The following PADI1 variants were observed in gnomAD, a reference collection of about 807,000 sequenced individuals.
PADI1 encodes the protein peptidyl arginine deiminase 1, also known as protein-arginine deiminase type-1.
A neutral mutation model predicts 74.8 loss-of-function variants in PADI1; 65 were observed. The ratio of observed to expected loss-of-function variants is 0.87; its 90% CI spans 0.71 to 1.07. The LOEUF is 1.07. PADI1 is among the 50% of genes least tolerant of loss of function. The pLI, the probability that PADI1 is intolerant of heterozygous loss-of-function variation, is 0.00. For missense variants in PADI1, 943 were observed against 854.0 expected (o/e 1.10, Z -1.30); for synonymous variants, 371 against 336.2 (o/e 1.10, Z -1.13).
At chr1:17,235,277 A>AGGAAGGAAGGAAGGAAGGAAGGAAGGAG (rs1163117716) in intron 11 of PADI1, among the ~76,000 whole-genome samples, 1 of 100,186 alleles carries the variant, frequency 1.0e-5, no homozygotes, top group Non-Finnish European at 2.0e-5. Flanking sequence ...GAAGGAAGGA[A>AGGAAGGAAGGAAGGAAGGAAGGAAGGAG]GGAAGGAAGG....
chr1:17,211,218 GT>G lies in PADI1; in HGVS notation c.92+5918del, dbSNP rs58282320. ...GCCCTGGTTTTTTGTTTTTGTTTTT[GT>G]TTTTTTTTGAGACGGAGTCTTGCTC... On this transcript the variant is annotated intron_variant, in intron 1 of 15. Coordinates refer to ENST00000375471, the MANE Select transcript of PADI1 (RefSeq NM_013358.3). Among the ~76,000 whole-genome samples, 1,475 of 151,058 alleles carry G rather than the reference GT, an allele frequency of 9.8e-3. 26 individuals are homozygous for G. The highest frequency in any genetic ancestry group is 0.052 in the East Asian group (267 of 5,128).
intron 11 of PADI1, among the ~76,000 whole-genome samples, chr1:17,235,160 G>A: frequency 7.1e-6 from 1 of 140,326 alleles, no homozygotes; most frequent in Non-Finnish European, 1.6e-5. Context: ...AGGGAGGGAG[G>A]GAGGAAGGGA....
At position 17,232,914 on chromosome 1, in the gene PADI1, G is replaced by A. The variant is rs758926998; in HGVS notation, c.1257G>A (p.Thr419=). The stretch of plus-strand genomic sequence containing the variant: ...ACCTGGACGTCAGCCCGCCCGTCAC[G>A]GTGGGCGGCACGGAATACCCCCTGG... ...FGNLDVSPPV[T]VGGTEYPLGR... The change falls in exon 11 of 16, where the codon ACG becomes ACA. Residue 419 remains threonine, a synonymous_variant. Coordinates refer to ENST00000375471, the MANE Select transcript of PADI1 (RefSeq NM_013358.3). The A allele has an allele frequency of 9.9e-6, 16 of 1,612,824 alleles. No individual in the cohort carries two copies. The Admixed American group carries it at 1.0e-4, about 10-fold the overall frequency.
chr1:17,243,010 T>G (rs1322093245), intron 15 of PADI1, among the ~76,000 whole-genome samples: 1 of 151,900 alleles, frequency 6.6e-6, no homozygotes, highest in African/African-American at 2.4e-5. Context: ...CTGCCATGGA[T>G]GAGGGTGGGG....
intron 1 of PADI1, among the ~76,000 whole-genome samples, chr1:17,205,827 G>A (rs115200840): frequency 0.01 from 1,549 of 152,318 alleles, 24 homozygotes; most frequent in African/African-American, 0.035. Flanking sequence ...AATATGAAGA[G>A]AGAACCTGGA....
At chr1:17,228,173 G>A (rs749155841) in intron 6 of PADI1, among the ~76,000 whole-genome samples, 5 of 152,056 alleles carry the variant, frequency 3.3e-5, no homozygotes, top group African/African-American at 4.8e-5. Context: ...AAAATTTTTT[G>A]TAGAGATGGG....
intron 1 of PADI1, among the ~76,000 whole-genome samples, chr1:17,206,689 T>TC (rs1557443992): frequency 0.011 from 1,286 of 121,182 alleles, 17 homozygotes; most frequent in African/African-American, 0.049. Flanking sequence ...TTTTCTTTTT[T>TC]TTTTTTTTTT....
intron 11 of PADI1, among the ~76,000 whole-genome samples, chr1:17,235,293 G>GGAAGGAGGGAAGAAAGGAA (rs1557479110): frequency 1.6e-5 from 1 of 62,826 alleles, no homozygotes; most frequent in African/African-American, 5.9e-5. Flanking sequence ...GAAGGAAGGA[G>GGAAGGAGGGAAGAAAGGAA]GGAAGGAAGG....
In PADI1 at chr1:17,230,078, T is replaced by C. The variant is rs1557472244; in HGVS notation, c.930-7T>C. The C allele has an allele frequency of 1.2e-6, 2 of 1,612,742 alleles. No homozygotes were observed. The highest frequency in any genetic ancestry group is 2.2e-5 in the South Asian group (2 of 90,880). ...TTAGCATGCTCCCCTCTCCCTACCT[T>C]TTACAGAGTGATGGACACTCATGGC... On this transcript the variant is annotated splice_polypyrimidine_tract_variant and splice_region_variant and intron_variant, in intron 8 of 15. Coordinates refer to ENST00000375471, the MANE Select transcript of PADI1 (RefSeq NM_013358.3).
At chr1:17,221,657 C>T (rs1451568096) in intron 1 of PADI1, among the ~76,000 whole-genome samples, 1 of 151,990 alleles carries the variant, frequency 6.6e-6, no homozygotes. Context: ...TGGGGAGGAG[C>T]AGTCCATGCA....
At chr1:17,230,358 C>A in intron 9 of PADI1, 150 bp downstream of exon 9, 1 of 967,426 alleles carries the variant, frequency 1.0e-6, no homozygotes, top group East Asian at 2.6e-5. Flanking sequence ...CCTGCATCAG[C>A]CCCAGCCTCC....
At chr1:17,225,995 T>G (rs1569802632) in intron 5 of PADI1, 38 bp from the exon 6 acceptor site, 1 of 1,611,434 alleles carries the variant, frequency 6.2e-7, no homozygotes, top group Non-Finnish European at 8.5e-7. Flanking sequence ...GTTGGTGGGG[T>G]GGAGAAAGGG....
At chr1:17,225,234 G>A (rs1435607328) in intron 4 of PADI1, among the ~76,000 whole-genome samples, 1 of 152,226 alleles carries the variant, frequency 6.6e-6, no homozygotes, top group Non-Finnish European at 1.5e-5. Flanking sequence ...GTGAAATGGG[G>A]AAAGTAAGCC....
At position 17,217,962 on chromosome 1, in the gene PADI1, C is replaced by T. The variant is rs150804112; in HGVS notation, c.93-4328C>T. ...GTTCCTCCAGGATTATCTGATTCAG[C>T]AAAGAGGTTGCTCATATCCTAGATG... On this transcript the variant is annotated intron_variant, in intron 1 of 15. Transcript: ENST00000375471. 4.6e-5 allele frequency among the ~76,000 whole-genome samples: 7 copies of T among 152,366 alleles called. No individual in the cohort carries two copies. In the East Asian group the frequency reaches 1.3e-3, roughly 29 times the overall value.
chr1:17,241,437 T>A (rs934538895), intron 15 of PADI1, among the ~76,000 whole-genome samples: 2 of 151,950 alleles, frequency 1.3e-5, no homozygotes, highest in Non-Finnish European at 2.9e-5. Flanking sequence ...TGAATCCCTC[T>A]CTTGGGACAA....
At chr1:17,214,348 C>T (rs754481998) in intron 1 of PADI1, among the ~76,000 whole-genome samples, 19 of 152,112 alleles carry the variant, frequency 1.2e-4, no homozygotes, top group Non-Finnish European at 1.3e-4. Context: ...GCCCCCCGCC[C>T]CATGACTTGG....
intron 15 of PADI1, among the ~76,000 whole-genome samples, chr1:17,241,913 TG>T (rs1293198841): frequency 6.7e-6 from 1 of 149,910 alleles, no homozygotes; most frequent in East Asian, 1.9e-4. Context: ...GGAATCGGCA[TG>T]GAATCAGGGT....
intron 6 of PADI1, among the ~76,000 whole-genome samples, chr1:17,227,318 C>T (rs113325151): frequency 0.011 from 1,703 of 151,286 alleles, 34 homozygotes; most frequent in African/African-American, 0.038. Context: ...GAGGCCAAGG[C>T]GGGAGGATCA....
chr1:17,221,058 T>C (rs1030901858), intron 1 of PADI1, among the ~76,000 whole-genome samples: 3 of 152,146 alleles, frequency 2.0e-5, no homozygotes, highest in Non-Finnish European at 4.4e-5. Context: ...TCAACACCCA[T>C]TTCTTGATCC....
Sources: allele counts gnomAD v4.1 joint callset (sites outside exome capture counted in the v4.1 genomes callset), GRCh38; gene constraint gnomAD v4.1.1; transcripts MANE v1.5; gene names NCBI Gene and HGNC (gene_info 2026-07-23, HGNC 2026-07-21).